OTUD3: variants seen among roughly 807,000 people sequenced by gnomAD.
The protein encoded by OTUD3 is OTU domain-containing protein 3.
In OTUD3, 24 loss-of-function variants were observed where a neutral mutation model predicts 46.2. The observed-to-expected ratio is 0.52, with a 90% CI of 0.38 to 0.73. OTUD3 has a LOEUF of 0.73. OTUD3 is among the 30% of genes least tolerant of loss of function. The pLI, the probability that OTUD3 is intolerant of heterozygous loss-of-function variation, is 0.00. For synonymous variants in OTUD3, 189 were observed against 195.4 expected, an observed-to-expected ratio of 0.97 and a Z score of 0.27; for missense variants, 455 against 523.3, an observed-to-expected ratio of 0.87 and a Z score of 1.27.
intron 1 of OTUD3, among the ~76,000 whole-genome samples, chr1:19,885,014 CTGAT>C (rs1463734584): frequency 6.6e-6 from 1 of 152,112 alleles, no homozygotes; most frequent in East Asian, 1.9e-4. Context: ...GTGTCATGCT[CTGAT>C]TGGGTCATGA....
At chr1:19,891,264 C>T (rs947656891) in intron 2 of OTUD3, among the ~76,000 whole-genome samples, 3 of 152,186 alleles carry the variant, frequency 2.0e-5, no homozygotes, top group Non-Finnish European at 2.9e-5. Context: ...ATAGAAAATG[C>T]ATATGAACTT....
At position 19,904,873 on chromosome 1, in the gene OTUD3, T is replaced by G; in HGVS notation, c.739-18T>G. On this transcript the variant is annotated intron_variant, in intron 5 of 7. Coordinates refer to ENST00000375120, the MANE Select transcript of OTUD3 (RefSeq NM_015207.2). The stretch of plus-strand genomic sequence containing the variant: ...AGAGTTTTGAAGTGGTTTTTTTGTT[T>G]GTTTGTTTCTTGGATAGGATTTTAA... 1 of 1,287,336 alleles carries G rather than the reference T, an allele frequency of 7.8e-7. No homozygotes were observed. Among genetic ancestry groups the G allele is most frequent in the South Asian group, 1.3e-5 (1 of 79,550 alleles). The allele number at this position is 1,287,336 out of a possible 1,614,324, so 79.7% of individuals were successfully genotyped here. A position where few individuals can be genotyped will look rare whatever the true frequency, so the allele number is the denominator to read the frequency against.
chr1:19,907,783 AAAAGG>A lies in OTUD3; in HGVS notation c.*39_*43del. The A allele has an allele frequency of 1.2e-6, 2 of 1,601,220 alleles. No individual in the cohort carries two copies. The highest frequency in any genetic ancestry group is 1.7e-6 in the Non-Finnish European group (2 of 1,170,198). ...CTTGGGAGTTGTAAGAAGCGGCTGG[AAAAGG>A]ATTGCTGTGTGCTAGACTTTCCAGT... On this transcript the variant is annotated 3_prime_UTR_variant, in exon 8 of 8. Transcript: ENST00000375120.
chr1:19,898,455 G>A (rs1374170123), intron 4 of OTUD3, among the ~76,000 whole-genome samples: 1 of 151,840 alleles, frequency 6.6e-6, no homozygotes, highest in African/African-American at 2.4e-5. Flanking sequence ...TTGGCCGGGC[G>A]TGGTGGCTCA....
chr1:19,897,819 A>G (rs1033025094), intron 4 of OTUD3, 157 bp downstream of exon 4: 2 of 670,218 alleles, frequency 3.0e-6, no homozygotes, highest in African/African-American at 3.7e-5. Flanking sequence ...TTCTTAGTTT[A>G]GGTGAGAGTG....
rs2045431979 is a variant in OTUD3, at chr1:19,890,518, C to G, written c.355C>G (p.Pro119Ala). 1 of 1,613,650 alleles carries G rather than the reference C, an allele frequency of 6.2e-7. No homozygotes were observed. Among genetic ancestry groups the G allele is most frequent in the South Asian group, 1.1e-5 (1 of 91,056 alleles). ...TGAACCCTTTGTAGAAGATGACATT[C>G]CTTTTGAGAAGCATGGTAGGTTCAC... ...DFEPFVEDDI[P>A]FEKHVASLAK... Residue 119 changes from proline (P) to alanine (A), a missense_variant, in exon 2 of 8, where the codon CCT (proline) becomes GCT (alanine). Pro to Ala is a conservative substitution (Grantham distance 27). Coordinates refer to ENST00000375120, the MANE Select transcript of OTUD3 (RefSeq NM_015207.2).
chr1:19,906,603 A>G lies in OTUD3; in HGVS notation c.1007A>G (p.Asn336Ser). 1 of 1,609,786 alleles carries G rather than the reference A, an allele frequency of 6.2e-7. No individual in the cohort carries two copies. Among genetic ancestry groups the G allele is most frequent in the South Asian group, 1.1e-5 (1 of 90,494 alleles). The change falls in exon 7 of 8, where the codon AAC becomes AGC. Residue 336 changes from asparagine (N) to serine (S), a missense_variant. Transcript: ENST00000375120. ...AGTGAAGAAAACAAAGCAAATAAAA[A>G]CCAGCTCGCAAAGGTATGTAAGATG... ...SPSEENKANK[N>S]QLAKVTNKQR...
chr1:19,883,703 A>ACTC (rs1253674682), intron 1 of OTUD3, among the ~76,000 whole-genome samples: 1 of 151,994 alleles, frequency 6.6e-6, no homozygotes, highest in Non-Finnish European at 1.5e-5. Context: ...CTGGTCTCGA[A>ACTC]CTCCTGGCTT....
At position 19,907,978 on chromosome 1, in the gene OTUD3, A is replaced by T; in HGVS notation, c.*232A>T. 2.5e-6 allele frequency: 1 copy of T among 405,760 alleles called. No homozygotes were observed. The highest frequency in any genetic ancestry group is 4.0e-5 in the Admixed American group (1 of 24,756). 25.1% of individuals were successfully genotyped at this position (405,760 alleles called of 1,614,324 possible). A position where few individuals can be genotyped will look rare whatever the true frequency, so the allele number is the denominator to read the frequency against. On this transcript the variant is annotated 3_prime_UTR_variant, in exon 8 of 8. Coordinates refer to ENST00000375120, the MANE Select transcript of OTUD3 (RefSeq NM_015207.2). ...TGAGGCCATTCATATTCTGTAATAC[A>T]AAATTAAAATACTGAGTTTTAGGGG...
chr1:19,908,750 T>TA lies in OTUD3; in HGVS notation c.*1005dup, dbSNP rs1464988060. 6.6e-6 allele frequency: 1 copy of TA among 152,406 alleles called. No homozygotes were observed. The highest frequency in any genetic ancestry group is 2.4e-5 in the African/African-American group (1 of 41,470). 9.4% of individuals were successfully genotyped at this position (152,406 alleles called of 1,614,324 possible). A position where few individuals can be genotyped will look rare whatever the true frequency, so the allele number is the denominator to read the frequency against. ...AGAGAGATACGTGGTAACTTGACCT[T>TA]ATAGGTCGCTAAACTTAGTATTGTG... On this transcript the variant is annotated 3_prime_UTR_variant, in exon 8 of 8. Coordinates refer to ENST00000375120, the MANE Select transcript of OTUD3 (RefSeq NM_015207.2).
rs1450190798 is a variant in OTUD3 at position 19,912,069 on chromosome 1, A to G, written c.*4323A>G. 1.3e-5 allele frequency: 2 copies of G among 152,250 alleles called. No individual in the cohort carries two copies. Among genetic ancestry groups the G allele is most frequent in the East Asian group, 1.9e-4 (1 of 5,330 alleles). 9.4% of individuals were successfully genotyped at this position (152,250 alleles called of 1,614,324 possible). Reference sequence around the variant, plus strand: ...AATTACTTGAGAAGGGGCTGGTACCAGTGTAAAGAATCTATTTCTGTAAAA... The same window carrying G: ...AATTACTTGAGAAGGGGCTGGTACCGGTGTAAAGAATCTATTTCTGTAAAA... On this transcript the variant is annotated 3_prime_UTR_variant, in exon 8 of 8. Coordinates refer to ENST00000375120, the MANE Select transcript of OTUD3 (RefSeq NM_015207.2).
At chr1:19,897,109 TTTA>T (rs1187470137) in intron 3 of OTUD3, among the ~76,000 whole-genome samples, 2 of 152,226 alleles carry the variant, frequency 1.3e-5, no homozygotes, top group African/African-American at 4.8e-5. Flanking sequence ...TTCTACCAGT[TTTA>T]TATTTATAAT....
chr1:19,895,878 T>C (rs2045511118), intron 3 of OTUD3, among the ~76,000 whole-genome samples: 1 of 152,240 alleles, frequency 6.6e-6, no homozygotes, highest in African/African-American at 2.4e-5. Flanking sequence ...GAATACTCAC[T>C]ACCAACTCAG....
chr1:19,898,369 A>G (rs1354133873), intron 4 of OTUD3, among the ~76,000 whole-genome samples: 3 of 152,182 alleles, frequency 2.0e-5, no homozygotes, highest in Non-Finnish European at 4.4e-5. Context: ...GTAGATTTCC[A>G]TTAATTTAAT....
chr1:19,895,859 C>T (rs2045510804), intron 3 of OTUD3, among the ~76,000 whole-genome samples: 1 of 152,154 alleles, frequency 6.6e-6, no homozygotes, highest in African/African-American at 2.4e-5. Flanking sequence ...TGACCCTCAC[C>T]TTGAAGGGGA....
chr1:19,898,398 C>T (rs1274457815), intron 4 of OTUD3, among the ~76,000 whole-genome samples: 1 of 152,104 alleles, frequency 6.6e-6, no homozygotes, highest in African/African-American at 2.4e-5. Flanking sequence ...ACATGGTTGA[C>T]ATTTTATTTA....
chr1:19,912,572 CTCTT>C lies in OTUD3; in HGVS notation c.*4830_*4833del, dbSNP rs1048834786. The C allele has an allele frequency of 2.0e-5, 3 of 152,540 alleles. No homozygotes were observed. Among genetic ancestry groups the C allele is most frequent in the South Asian group, 2.1e-4 (1 of 4,822 alleles). 9.4% of individuals were successfully genotyped at this position (152,540 alleles called of 1,614,324 possible). On this transcript the variant is annotated 3_prime_UTR_variant, in exon 8 of 8. Transcript: ENST00000375120. ...TGTATCCGTGGAGGAGGGGCCTTCT[CTCTT>C]TCTAATTGCACTATACTTGTTCTAG...
At chr1:19,900,965 G>T (rs1338537187) in intron 4 of OTUD3, among the ~76,000 whole-genome samples, 5 of 110,322 alleles carry the variant, frequency 4.5e-5, no homozygotes, top group Admixed American at 2.6e-4. Flanking sequence ...TTGCCCTGTT[G>T]CCCAGGCTGG....
At chr1:19,883,175 T>C (rs2045298150) in intron 1 of OTUD3, among the ~76,000 whole-genome samples, 1 of 152,146 alleles carries the variant, frequency 6.6e-6, no homozygotes, top group South Asian at 2.1e-4. Flanking sequence ...CTCCTTTGAG[T>C]CCTTGGTTTT....
Sources: gnomAD v4.1 joint callset for allele counts (sites outside exome capture counted in the v4.1 genomes callset) on GRCh38, gnomAD v4.1.1 for gene constraint, MANE v1.5 for transcripts, NCBI Gene and HGNC (gene_info 2026-07-23, HGNC 2026-07-21) for gene names.